The following ADGRB3 variants were observed in gnomAD, a reference collection of about 807,000 sequenced individuals.
ADGRB3 encodes the protein brain-specific angiogenesis inhibitor 3.
Under a neutral mutation model 193.4 loss-of-function variants are expected in ADGRB3, and 37 were observed. The ratio of observed to expected loss-of-function variants is 0.19; its 90% CI spans 0.15 to 0.25. The LOEUF is 0.25. Ranked by LOEUF, ADGRB3 falls within the 10% of genes least tolerant of loss-of-function variation. The pLI is 1.00. For synonymous variants in ADGRB3, 690 were observed against 644.2 expected (o/e 1.07, Z -1.08); for missense variants, 1,637 against 1,852.9 (o/e 0.88, Z 2.14).
At position 69,144,693 on chromosome 6, in the gene ADGRB3, G is replaced by A. The variant is rs1041626275; in HGVS notation, c.2480+68655G>A. 3.9e-5 allele frequency among the ~76,000 whole-genome samples: 6 copies of A among 152,182 alleles called. No homozygotes were observed. The East Asian group carries it at 1.2e-3, about 29-fold the overall frequency. ...TATTATTTTTATCCTTGATTCTGTT[G>A]ATATAATGTATCATACTGATTGATT... On this transcript the variant is annotated intron_variant, in intron 17 of 31. Transcript: ENST00000370598.
chr6:68,667,847 G>C (rs1344753662), intron 3 of ADGRB3, among the ~76,000 whole-genome samples: 1 of 151,794 alleles, frequency 6.6e-6, no homozygotes, highest in East Asian at 1.9e-4. Context: ...ACTAGGGCTA[G>C]TGTTCTGGAA....
At chr6:69,190,862 A>G (rs957323081) in intron 17 of ADGRB3, among the ~76,000 whole-genome samples, 1 of 152,148 alleles carries the variant, frequency 6.6e-6, no homozygotes, top group Non-Finnish European at 1.5e-5. Context: ...AATTGCCTAC[A>G]TCAGTCAGTA....
chr6:69,251,680 A>G (rs763042968), intron 20 of ADGRB3, among the ~76,000 whole-genome samples: 2 of 152,180 alleles, frequency 1.3e-5, no homozygotes, highest in Non-Finnish European at 2.9e-5. Context: ...TTTCAGACAT[A>G]CAACATAGTG....
At chr6:69,309,517 C>CTCT (rs1262758352) in intron 20 of ADGRB3, among the ~76,000 whole-genome samples, 1 of 151,592 alleles carries the variant, frequency 6.6e-6, no homozygotes, top group African/African-American at 2.4e-5. Context: ...AATCTGATTT[C>CTCT]TCTTTGAAAT....
chr6:69,229,652 C>G (rs1766091781), intron 17 of ADGRB3, among the ~76,000 whole-genome samples: 2 of 152,092 alleles, frequency 1.3e-5, no homozygotes, highest in Admixed American at 1.3e-4. Flanking sequence ...AGTATGATTT[C>G]TTGAAACAGT....
intron 23 of ADGRB3, chr6:69,331,459 TG>T (rs1768726874): frequency 2.6e-6 from 2 of 784,026 alleles, no homozygotes; most frequent in African/African-American, 3.8e-5. Context: ...TTTGGTTTCT[TG>T]AATGACTCAT....
intron 3 of ADGRB3, among the ~76,000 whole-genome samples, chr6:68,686,494 T>G: frequency 6.6e-6 from 1 of 152,168 alleles, no homozygotes; most frequent in Non-Finnish European, 1.5e-5. Flanking sequence ...CAATTTTTTT[T>G]GCAGAGAAGC....
chr6:69,150,388 C>T (rs1201046880), intron 17 of ADGRB3, among the ~76,000 whole-genome samples: 5 of 152,198 alleles, frequency 3.3e-5, no homozygotes, highest in Admixed American at 6.5e-5. Context: ...ACAAACACCA[C>T]TGCCACAGGC....
intron 3 of ADGRB3, among the ~76,000 whole-genome samples, chr6:68,704,282 T>G (rs998215915): frequency 6.6e-6 from 1 of 152,192 alleles, no homozygotes; most frequent in African/African-American, 2.4e-5. Flanking sequence ...AGTTTTGCTC[T>G]GCTTTTAGAT....
chr6:68,781,153 G>C (rs1766844622), intron 3 of ADGRB3, among the ~76,000 whole-genome samples: 1 of 152,118 alleles, frequency 6.6e-6, no homozygotes, highest in African/African-American at 2.4e-5. Flanking sequence ...TAGGTTGGCT[G>C]TCTTCCAAGT....
Position 68,639,329 on chromosome 6 carries a change from G to A in ADGRB3, c.654G>A (p.Val218=). 2 of 1,614,080 alleles carry A rather than the reference G, an allele frequency of 1.2e-6. No individual in the cohort carries two copies. The highest frequency in any genetic ancestry group is 1.7e-6 in the Non-Finnish European group (2 of 1,180,036). ...AGTCGCTGATTTTGTTAAATAACGT[G>A]GTGTTACCCCTGAATGAGCAGACAG... is the stretch of plus-strand genomic sequence containing the variant. ...DDQSLILLNN[V]VLPLNEQTEG... The change falls in exon 3 of 32, where the codon GTG becomes GTA. Residue 218 remains valine (V), a synonymous_variant. Transcript: ENST00000370598.
rs1362060932 is a variant in ADGRB3 at position 68,635,842 on chromosome 6, A to T, written c.-346A>T. ...CCCCCACCTTTTGCTTTTCGTATGT[A>T]TGCATTTTTAAAAATAAATCCTGAT... is the stretch of plus-strand genomic sequence containing the variant. On this transcript the variant is annotated 5_prime_UTR_variant, in exon 1 of 32. It removes an upstream start codon present in the reference 5' UTR. Coordinates refer to ENST00000370598, the MANE Select transcript of ADGRB3 (RefSeq NM_001704.3). 3.3e-5 allele frequency: 5 copies of T among 152,086 alleles called. No homozygotes were observed. Among genetic ancestry groups the T allele is most frequent in the African/African-American group, 1.2e-4 (5 of 41,018 alleles). 9.4% of individuals were successfully genotyped at this position (152,086 alleles called of 1,614,324 possible).
chr6:68,971,183 A>C (rs1332531526), intron 8 of ADGRB3, among the ~76,000 whole-genome samples: 1 of 152,232 alleles, frequency 6.6e-6, no homozygotes, highest in African/African-American at 2.4e-5. Context: ...ATTCAGAAAA[A>C]AATGACGTCT....
In ADGRB3 at chr6:68,956,775, A is replaced by G. The variant is rs1320764303; in HGVS notation, c.1491A>G (p.Glu497=). 6.2e-7 allele frequency: 1 copy of G among 1,613,890 alleles called. No homozygotes were observed. Among genetic ancestry groups the G allele is most frequent in the African/African-American group, 1.3e-5 (1 of 74,910 alleles). ...GGCAGCAATGTGAAGGAACGGGCGAAGAAGTGAGAAGATGCAATGAGCAGC... is the reference window on the plus strand; with the variant it reads ...GGCAGCAATGTGAAGGAACGGGCGAGGAAGTGAGAAGATGCAATGAGCAGC... The part of the protein sequence containing the change: ...ITGQQCEGTG[E]EVRRCNEQRC... The change falls in exon 8 of 32, where the codon GAA becomes GAG. Residue 497 remains glutamate (E), a synonymous_variant. Coordinates refer to ENST00000370598, the MANE Select transcript of ADGRB3 (RefSeq NM_001704.3).
chr6:68,968,664 A>T lies in ADGRB3; in HGVS notation c.1526-6099A>T, dbSNP rs543358041. The stretch of plus-strand genomic sequence containing the variant: ...AATAATCAAATATGACAGTCAGATT[A>T]GATTAACTATTGCCATGTCATTATT... On this transcript the variant is annotated intron_variant, in intron 8 of 31. Coordinates refer to ENST00000370598, the MANE Select transcript of ADGRB3 (RefSeq NM_001704.3). Among the ~76,000 whole-genome samples the T allele has an allele frequency of 2.0e-5, 3 of 152,354 alleles. No homozygotes were observed. The South Asian group carries it at 6.2e-4, about 32-fold the overall frequency.
Position 68,919,163 on chromosome 6 carries a change from C to G in ADGRB3, c.758-11396C>G, listed in dbSNP as rs903810041. On this transcript the variant is annotated intron_variant, in intron 3 of 31. Transcript: ENST00000370598. ...TGTAAAGTATATGTCTATTCTATAG[C>G]CAGTAACTTTTCAAGCCGGCGTCCT... Among the ~76,000 whole-genome samples the G allele has an allele frequency of 2.6e-5, 4 of 152,094 alleles. No homozygotes were observed. In the South Asian group the frequency reaches 8.3e-4, roughly 32 times the overall value.
At chr6:68,994,734 G>A (rs1440813774) in intron 11 of ADGRB3, among the ~76,000 whole-genome samples, 1 of 152,130 alleles carries the variant, frequency 6.6e-6, no homozygotes, top group Non-Finnish European at 1.5e-5. Flanking sequence ...TCAGCATAAT[G>A]TTCTTACTGC....
At chr6:69,048,043 A>G in intron 13 of ADGRB3, 142 bp from the exon 14 acceptor site, 2 of 909,132 alleles carry the variant, frequency 2.2e-6, no homozygotes, top group South Asian at 3.5e-5. Context: ...CTAATAAGAC[A>G]TAAGTTATTT....
intron 3 of ADGRB3, among the ~76,000 whole-genome samples, chr6:68,858,561 C>A (rs1295717673): frequency 3.0e-4 from 41 of 138,730 alleles, no homozygotes; most frequent in Non-Finnish European, 6.0e-4. Context: ...TCACTGCACT[C>A]CAGACTGAGT....
Sources: allele counts gnomAD v4.1 joint callset (sites outside exome capture counted in the v4.1 genomes callset), GRCh38; gene constraint gnomAD v4.1.1; transcripts MANE v1.5; gene names NCBI Gene and HGNC (gene_info 2026-07-23, HGNC 2026-07-21).